Variants in CTIF observed in about 807,000 individuals in gnomAD.
CTIF encodes the protein cap binding complex dependent translation initiation factor.
CTIF carries 21 observed loss-of-function variants against 66.0 expected under a neutral mutation model. The observed-to-expected ratio is 0.32, with a 90% CI of 0.23 to 0.46. The LOEUF is 0.46. CTIF is among the 20% of genes least tolerant of loss of function. CTIF has a pLI of 1.00. For missense variants in CTIF, 739 were observed against 812.7 expected, an observed-to-expected ratio of 0.91 and a Z score of 1.10; for synonymous variants, 345 against 326.4, an observed-to-expected ratio of 1.06 and a Z score of -0.62.
intron 7 of CTIF, among the ~76,000 whole-genome samples, chr18:48,714,601 C>G (rs1366642048): frequency 6.6e-6 from 1 of 152,222 alleles, no homozygotes; most frequent in African/African-American, 2.4e-5. Context: ...GACCTAAAGT[C>G]CTAGGCTTCA....
chr18:48,700,288 C>A (rs1339010182), intron 6 of CTIF, among the ~76,000 whole-genome samples: 1 of 152,210 alleles, frequency 6.6e-6, no homozygotes, highest in Non-Finnish European at 1.5e-5. Flanking sequence ...GAGGCCTCCC[C>A]AGCCATGTGG....
chr18:48,657,358 A>G (rs1300782055), intron 3 of CTIF, among the ~76,000 whole-genome samples: 1 of 152,214 alleles, frequency 6.6e-6, no homozygotes, highest in African/African-American at 2.4e-5. Flanking sequence ...ATTTGACTAT[A>G]TAATCTTTTT....
intron 1 of CTIF, among the ~76,000 whole-genome samples, chr18:48,617,397 G>T (rs1224841680): frequency 6.6e-6 from 1 of 152,206 alleles, no homozygotes; most frequent in African/African-American, 2.4e-5. Flanking sequence ...ATTTAATTTT[G>T]TCTGCAAAAT....
intron 9 of CTIF, among the ~76,000 whole-genome samples, chr18:48,767,545 A>C (rs1355574199): frequency 6.6e-6 from 1 of 152,162 alleles, no homozygotes; most frequent in African/African-American, 2.4e-5. Flanking sequence ...GTGTGTCTGT[A>C]ACTGAACCCA....
intron 3 of CTIF, among the ~76,000 whole-genome samples, chr18:48,650,576 C>T (rs1346980083): frequency 1.3e-5 from 2 of 152,132 alleles, no homozygotes; most frequent in South Asian, 2.1e-4. Context: ...GAGAACTTCC[C>T]CAACCTAGCA....
intron 7 of CTIF, among the ~76,000 whole-genome samples, chr18:48,732,403 A>G (rs552228645): frequency 6.6e-6 from 1 of 151,980 alleles, no homozygotes; most frequent in South Asian, 2.1e-4. Flanking sequence ...CCAGCAGGGC[A>G]GTGCACACCC....
intron 7 of CTIF, among the ~76,000 whole-genome samples, chr18:48,714,700 G>C (rs1179476201): frequency 6.6e-6 from 1 of 152,192 alleles, no homozygotes; most frequent in Non-Finnish European, 1.5e-5. Flanking sequence ...GTTTAAGTCT[G>C]AGGCTGTTAG....
At chr18:48,589,568 GA>G (rs1204426277) in intron 1 of CTIF, among the ~76,000 whole-genome samples, 4 of 152,224 alleles carry the variant, frequency 2.6e-5, no homozygotes, top group Non-Finnish European at 2.9e-5. Context: ...TAGGAGGGAG[GA>G]CACAGCTGAG....
chr18:48,698,782 G>GGTTTC (rs1277211260), intron 6 of CTIF, among the ~76,000 whole-genome samples: 9 of 152,086 alleles, frequency 5.9e-5, no homozygotes, highest in Non-Finnish European at 1.3e-4. Flanking sequence ...GGTTTGGTTT[G>GGTTTC]GTTTTGAGCA....
At chr18:48,567,312 C>T (rs1257090556) in intron 1 of CTIF, 2 of 152,168 alleles carry the variant, frequency 1.3e-5, no homozygotes, top group East Asian at 3.9e-4. Flanking sequence ...CGTCCAGCAC[C>T]CTCATGATGT....
intron 9 of CTIF, among the ~76,000 whole-genome samples, chr18:48,777,483 A>G (rs1910798504): frequency 6.6e-6 from 1 of 152,152 alleles, no homozygotes; most frequent in Non-Finnish European, 1.5e-5. Context: ...CAGACCTCCA[A>G]AACGGGCCAG....
intron 5 of CTIF, among the ~76,000 whole-genome samples, chr18:48,667,748 C>A (rs1288781499): frequency 6.6e-6 from 1 of 152,218 alleles, no homozygotes; most frequent in Non-Finnish European, 1.5e-5. Flanking sequence ...CCAGGAGCCT[C>A]CAGATTTGCT....
At chr18:48,664,583 G>A in intron 5 of CTIF, 32 bp downstream of exon 5, 1 of 1,586,744 alleles carries the variant, frequency 6.3e-7, no homozygotes, top group Non-Finnish European at 8.6e-7. Flanking sequence ...ACCCAGGGTG[G>A]GGTGGGGCAG....
chr18:48,812,382 G>T (rs1264359385), intron 9 of CTIF, among the ~76,000 whole-genome samples: 1 of 152,144 alleles, frequency 6.6e-6, no homozygotes, highest in Non-Finnish European at 1.5e-5. Context: ...TCATAGGCAG[G>T]TTTGTTCTTT....
chr18:48,735,953 T>C (rs1265750978), intron 7 of CTIF, among the ~76,000 whole-genome samples: 1 of 151,382 alleles, frequency 6.6e-6, no homozygotes, highest in Non-Finnish European at 1.5e-5. Context: ...AGCGGAGGAG[T>C]TGGAAAGGGC....
At chr18:48,741,537 C>T (rs943546608) in intron 7 of CTIF, among the ~76,000 whole-genome samples, 2 of 151,440 alleles carry the variant, frequency 1.3e-5, no homozygotes, top group African/African-American at 4.9e-5. Flanking sequence ...ATTCTTCTGC[C>T]TCAGCCTCCT....
In CTIF at chr18:48,761,323, C is replaced by A; in HGVS notation, c.1072-67C>A. The A allele has an allele frequency of 4.6e-6, 7 of 1,507,698 alleles. No homozygotes were observed. In the South Asian group the frequency reaches 5.0e-5, roughly 11 times the overall value. 93.4% of individuals were successfully genotyped at this position (1,507,698 alleles called of 1,614,324 possible). On this transcript the variant is annotated intron_variant, in intron 8 of 11. Transcript: ENST00000256413. This position sits in a 1 kb window ranked among gnomAD's most constrained non-coding sequence, Gnocchi z 4.2. Reference sequence around the variant, plus strand: ...TCTGGGGGTGGCCACCCTCTTTCCACCAGGCCACCCCTGCACAGAGACCTC... The same window carrying A: ...TCTGGGGGTGGCCACCCTCTTTCCAACAGGCCACCCCTGCACAGAGACCTC...
At chr18:48,774,788 C>A (rs531766428) in intron 9 of CTIF, among the ~76,000 whole-genome samples, 2 of 152,126 alleles carry the variant, frequency 1.3e-5, no homozygotes, top group Admixed American at 1.3e-4. Context: ...AAAGGCCATA[C>A]GAAAGAAGGG....
chr18:48,814,387 C>T (rs1194332445), intron 9 of CTIF, among the ~76,000 whole-genome samples: 2 of 152,182 alleles, frequency 1.3e-5, no homozygotes, highest in East Asian at 1.9e-4. Context: ...GGGGTCCCAA[C>T]ATCAGCAGCC....
Sources: allele counts gnomAD v4.1 joint callset (sites outside exome capture counted in the v4.1 genomes callset), GRCh38; gene constraint gnomAD v4.1.1; non-coding constraint Gnocchi (gnomAD v3.1); transcripts MANE v1.5; gene names NCBI Gene and HGNC (gene_info 2026-07-23, HGNC 2026-07-21).